TM9SF2: variants seen among roughly 807,000 people sequenced by gnomAD.
TM9SF2 encodes the protein transmembrane 9 superfamily member 2.
In TM9SF2, 13 loss-of-function variants were observed where a neutral mutation model predicts 84.9. The ratio of observed to expected loss-of-function variants is 0.15; its 90% CI spans 0.10 to 0.24. The LOEUF (loss-of-function observed/expected upper bound fraction) is 0.24, where lower values mean the gene tolerates loss of function less well. Among genes scored for constraint, TM9SF2 ranks in the 10% least tolerant of loss-of-function variants. The pLI is 1.00. For missense variants in TM9SF2, 562 were observed against 818.5 expected, an observed-to-expected ratio of 0.69 and a Z score of 3.82; for synonymous variants, 273 against 285.8, an observed-to-expected ratio of 0.96 and a Z score of 0.45.
chr13:99,535,437 G>A (rs1261039331), intron 4 of TM9SF2, among the ~76,000 whole-genome samples: 3 of 152,090 alleles, frequency 2.0e-5, no homozygotes, highest in Non-Finnish European at 4.4e-5. Context: ...AAAAATTAAA[G>A]CAATTAACGG....
rs1217563566 is a variant in TM9SF2 at position 99,559,478 on chromosome 13, C to T, written c.1868C>T (p.Thr623Ile). ...CTGCAGATCACGGGAACAGCAAGCA[C>T]AATTCTGTACTTTGGTTATACCATG... Reference protein sequence around the residue: ...SKLQITGTASTILYFGYTMIM... With the variant: ...SKLQITGTASIILYFGYTMIM... The change falls in exon 16 of 17, where the codon ACA becomes ATA. Residue 623 changes from threonine to isoleucine, a missense_variant. Coordinates refer to ENST00000376387, the MANE Select transcript of TM9SF2 (RefSeq NM_004800.3). The T allele has an allele frequency of 3.7e-6, 6 of 1,613,846 alleles. No homozygotes were observed. The highest frequency in any genetic ancestry group is 4.2e-6 in the Non-Finnish European group (5 of 1,179,936).
chr13:99,504,696 A>G (rs1002578433), intron 1 of TM9SF2, among the ~76,000 whole-genome samples: 32 of 152,330 alleles, frequency 2.1e-4, no homozygotes, highest in African/African-American at 7.5e-4. Flanking sequence ...AATTCTATTT[A>G]TATTGCTGTA....
chr13:99,510,903 A>G (rs72651436), intron 1 of TM9SF2, among the ~76,000 whole-genome samples: 97 of 152,292 alleles, frequency 6.4e-4, no homozygotes, highest in Non-Finnish European at 1.0e-3. Flanking sequence ...CATTAAATAC[A>G]TGTATTGGCT....
At chr13:99,531,451 C>A (rs1483167290) in intron 4 of TM9SF2, among the ~76,000 whole-genome samples, 1 of 152,158 alleles carries the variant, frequency 6.6e-6, no homozygotes, top group African/African-American at 2.4e-5. Flanking sequence ...GATCCTGTGG[C>A]CTCGCATTCC....
intron 15 of TM9SF2, among the ~76,000 whole-genome samples, chr13:99,559,119 TA>T (rs2046335047): frequency 6.6e-6 from 1 of 152,238 alleles, no homozygotes; most frequent in Non-Finnish European, 1.5e-5. Context: ...ATAAACAGTT[TA>T]AGCTGCTTCC....
At chr13:99,537,955 T>C in intron 6 of TM9SF2, 92 bp downstream of exon 6, 1 of 1,453,140 alleles carries the variant, frequency 6.9e-7, no homozygotes. Context: ...CTTAATATTC[T>C]GACATTTCAG....
At chr13:99,515,625 T>TATTTGG in intron 1 of TM9SF2, among the ~76,000 whole-genome samples, 1 of 152,366 alleles carries the variant, frequency 6.6e-6, no homozygotes, top group Non-Finnish European at 1.5e-5. Context: ...TTACTAAATT[T>TATTTGG]ATTTGGTTTT....
Position 99,522,549 on chromosome 13 carries a change from C to T in TM9SF2, c.333+2420C>T, listed in dbSNP as rs150819343. ...TTACTTTGAATGGTATTGCATTCTT[C>T]TTATAGCAGATGACTGTTTTCAGGC... On this transcript the variant is annotated intron_variant, in intron 3 of 16. Coordinates refer to ENST00000376387, the MANE Select transcript of TM9SF2 (RefSeq NM_004800.3). Among the ~76,000 whole-genome samples the T allele has an allele frequency of 1.2e-3, 185 of 152,324 alleles. 2 individuals are homozygous for T. Among genetic ancestry groups the T allele is most frequent in the African/African-American group, 4.2e-3 (175 of 41,576 alleles).
chr13:99,502,201 C>T (rs955393984), intron 1 of TM9SF2, among the ~76,000 whole-genome samples: 34 of 150,706 alleles, frequency 2.3e-4, no homozygotes, highest in African/African-American at 7.8e-4. Flanking sequence ...ATGTGAGCAA[C>T]ACTCAGCCTA....
intron 3 of TM9SF2, among the ~76,000 whole-genome samples, chr13:99,529,182 AT>A (rs942373213): frequency 6.6e-6 from 1 of 151,676 alleles, no homozygotes; most frequent in Admixed American, 6.6e-5. Flanking sequence ...TCTACATGGG[AT>A]TTTTTTTTCT....
At chr13:99,529,707 CTTTT>C (rs559563708) in intron 4 of TM9SF2, 113 bp downstream of exon 4, 2 of 1,205,146 alleles carry the variant, frequency 1.7e-6, no homozygotes, top group Non-Finnish European at 2.2e-6. Flanking sequence ...AATTGATTTC[CTTTT>C]TTTTGTTACT....
intron 15 of TM9SF2, among the ~76,000 whole-genome samples, chr13:99,556,486 T>C (rs2046324888): frequency 6.6e-6 from 1 of 152,168 alleles, no homozygotes; most frequent in Non-Finnish European, 1.5e-5. Flanking sequence ...TTGAATCATA[T>C]AATATGTGAC....
intron 4 of TM9SF2, among the ~76,000 whole-genome samples, 163 bp from the exon 5 acceptor site, chr13:99,536,445 T>C (rs529168290): frequency 1.1e-3 from 160 of 152,322 alleles, no homozygotes; most frequent in African/African-American, 3.8e-3. Flanking sequence ...CATATTGTTA[T>C]TGCTTATGAA....
chr13:99,550,427 T>C (rs1215747350), intron 12 of TM9SF2, among the ~76,000 whole-genome samples: 1 of 152,242 alleles, frequency 6.6e-6, no homozygotes, highest in African/African-American at 2.4e-5. Flanking sequence ...GAAACGATTT[T>C]CTCTGTATTG....
At chr13:99,544,275 G>C (rs986162446) in intron 10 of TM9SF2, among the ~76,000 whole-genome samples, 36 of 151,896 alleles carry the variant, frequency 2.4e-4, no homozygotes, top group Non-Finnish European at 3.7e-4. Flanking sequence ...CCTGGGAGGC[G>C]GAGGTTGTAG....
chr13:99,524,226 C>T (rs1462894733), intron 3 of TM9SF2, among the ~76,000 whole-genome samples: 3 of 152,006 alleles, frequency 2.0e-5, no homozygotes, highest in South Asian at 2.1e-4. Flanking sequence ...CGTGGGGGTG[C>T]GAGGGGAGAA....
intron 11 of TM9SF2, 82 bp downstream of exon 11, chr13:99,547,186 T>A: frequency 6.3e-7 from 1 of 1,575,234 alleles, no homozygotes; most frequent in Non-Finnish European, 8.7e-7. Context: ...TATCAGATGG[T>A]GATGCTTTGT....
intron 6 of TM9SF2, among the ~76,000 whole-genome samples, chr13:99,538,561 C>T (rs2046244493): frequency 1.3e-5 from 2 of 151,766 alleles, no homozygotes; most frequent in Non-Finnish European, 2.9e-5. Context: ...TTGGGAAGGC[C>T]AAGGCAGGAG....
chr13:99,507,452 G>A (rs1157554500), intron 1 of TM9SF2, among the ~76,000 whole-genome samples: 1 of 152,152 alleles, frequency 6.6e-6, no homozygotes, highest in African/African-American at 2.4e-5. Flanking sequence ...CAGCTTTGAT[G>A]TGTCTGTGTA....
Sources: allele counts gnomAD v4.1 joint callset (sites outside exome capture counted in the v4.1 genomes callset), GRCh38; gene constraint gnomAD v4.1.1; transcripts MANE v1.5; gene names NCBI Gene and HGNC (gene_info 2026-07-23, HGNC 2026-07-21).